CRYBG3: variants seen among roughly 807,000 people sequenced by gnomAD.
CRYBG3 encodes the protein very large A-kinase anchor protein.
In CRYBG3, 127 loss-of-function variants were observed where a neutral mutation model predicts 244.2. That is an observed-to-expected ratio of 0.52 (90% CI 0.45 to 0.60). The LOEUF (loss-of-function observed/expected upper bound fraction) is 0.60. CRYBG3 is among the 20% of genes least tolerant of loss of function. CRYBG3 has a pLI of 0.00. For synonymous variants in CRYBG3, 1,132 were observed against 1,195.8 expected (o/e 0.95, Z 1.10); for missense variants, 3,325 against 3,442.5 (o/e 0.97, Z 0.85).
Position 97,874,474 on chromosome 3 carries a change from C to G in CRYBG3, c.3280C>G (p.His1094Asp), listed in dbSNP as rs986487042. ...TATACAAGTTACCAAAGATCTCACACATGAAGGTACCTCTGTAACTAACCT... is the reference window on the plus strand; with the variant it reads ...TATACAAGTTACCAAAGATCTCACAGATGAAGGTACCTCTGTAACTAACCT... ...DSIQVTKDLTHEGTSVTNLLY... is the reference protein window; with the variant it reads ...DSIQVTKDLTDEGTSVTNLLY... The change falls in exon 4 of 22, where the codon CAT becomes GAT. Residue 1094 changes from histidine to aspartate, a missense_variant. Coordinates refer to ENST00000389622, the MANE Select transcript of CRYBG3 (RefSeq NM_153605.4). The G allele has an allele frequency of 6.5e-7, 1 of 1,534,114 alleles. No homozygotes were observed. The highest frequency in any genetic ancestry group is 8.7e-7 in the Non-Finnish European group (1 of 1,146,102).
intron 15 of CRYBG3, 91 bp from the exon 16 acceptor site, chr3:97,912,076 T>C (rs1178709755): frequency 1.8e-6 from 1 of 568,310 alleles, no homozygotes; most frequent in African/African-American, 2.0e-5. Context: ...TGCTGCATTT[T>C]ATAAATTCAT....
chr3:97,861,303 C>A (rs1037760166), intron 2 of CRYBG3, among the ~76,000 whole-genome samples: 1 of 152,150 alleles, frequency 6.6e-6, no homozygotes, highest in East Asian at 1.9e-4. Context: ...AAGAAGGTTT[C>A]TCTACATCCC....
intron 1 of CRYBG3, among the ~76,000 whole-genome samples, chr3:97,832,715 A>T (rs1233185247): frequency 6.6e-6 from 1 of 152,364 alleles, no homozygotes; most frequent in African/African-American, 2.4e-5. Flanking sequence ...CAAAATTGAC[A>T]AATGGGATCT....
intron 19 of CRYBG3, 69 bp downstream of exon 19, chr3:97,936,977 A>T (rs1031988554): frequency 6.6e-7 from 1 of 1,518,552 alleles, no homozygotes; most frequent in Admixed American, 1.9e-5. Context: ...AAACCACAGC[A>T]TCTGAAATAA....
intron 1 of CRYBG3, among the ~76,000 whole-genome samples, chr3:97,836,181 T>G (rs1268456530): frequency 1.3e-5 from 2 of 152,106 alleles, no homozygotes; most frequent in Admixed American, 6.6e-5. Flanking sequence ...AGTCTCAGAC[T>G]GTGAAGCAAC....
At chr3:97,916,619 A>G (rs979239758) in intron 17 of CRYBG3, among the ~76,000 whole-genome samples, 3 of 152,144 alleles carry the variant, frequency 2.0e-5, no homozygotes, top group African/African-American at 7.2e-5. Context: ...ACTCTACATA[A>G]TAGTTGCAGT....
At chr3:97,932,614 C>A (rs2040109769) in intron 17 of CRYBG3, among the ~76,000 whole-genome samples, 1 of 152,024 alleles carries the variant, frequency 6.6e-6, no homozygotes, top group South Asian at 2.1e-4. Flanking sequence ...GCAGTTGCTT[C>A]AGCCCACTCA....
chr3:97,872,314 A>T lies in CRYBG3; in HGVS notation c.1120A>T (p.Thr374Ser), dbSNP rs552965360. ...HHLSCEPVSQTNRNLVCSALL... is the reference protein window; with the variant it reads ...HHLSCEPVSQSNRNLVCSALL... ...TTTAAGTTGTGAACCGGTTTCTCAGACTAACAGAAATTTGGTATGTTCAGC... is the reference window on the plus strand; with the variant it reads ...TTTAAGTTGTGAACCGGTTTCTCAGTCTAACAGAAATTTGGTATGTTCAGC... The change falls in exon 4 of 22, where the codon ACT becomes TCT. Residue 374 changes from threonine (T) to serine (S), a missense_variant. Transcript: ENST00000389622. 4.6e-6 allele frequency: 7 copies of T among 1,536,004 alleles called. No homozygotes were observed. The East Asian group carries it at 1.5e-4, about 32-fold the overall frequency.
intron 11 of CRYBG3, among the ~76,000 whole-genome samples, chr3:97,893,953 T>C (rs1356189518): frequency 6.6e-6 from 1 of 152,210 alleles, no homozygotes. Flanking sequence ...AGATTATATA[T>C]GCTGGATATG....
At position 97,868,108 on chromosome 3, in the gene CRYBG3, C is replaced by G. The variant is rs1199456930; in HGVS notation, c.647+3461C>G. On this transcript the variant is annotated intron_variant, in intron 3 of 21. Transcript: ENST00000389622. ...ACCATCCTGGCTAACACGGTGAAACCCTTTCTCTACTAAAAATACAAAAAA... is the reference window on the plus strand; with the variant it reads ...ACCATCCTGGCTAACACGGTGAAACGCTTTCTCTACTAAAAATACAAAAAA... Among the ~76,000 whole-genome samples, 6 of 151,900 alleles carry G rather than the reference C, an allele frequency of 3.9e-5. No individual in the cohort carries two copies. The South Asian group carries it at 1.0e-3, about 26-fold the overall frequency.
chr3:97,936,849 C>G lies in CRYBG3; in HGVS notation c.8446C>G (p.Pro2816Ala). 1 of 1,612,944 alleles carries G rather than the reference C, an allele frequency of 6.2e-7. No individual in the cohort carries two copies. Among genetic ancestry groups the G allele is most frequent in the Non-Finnish European group, 8.5e-7 (1 of 1,179,348 alleles). The change falls in exon 19 of 22, where the codon CCA (proline) becomes GCA (alanine). Residue 2816 changes from proline (P) to alanine (A), a missense_variant. By Grantham distance (27) the Pro-to-Ala change is conservative (BLOSUM62 -1). This residue lies in a region of CRYBG3 where 714 missense variants were observed against 803.6 expected (regional missense o/e 0.89). Transcript: ENST00000389622. The stretch of plus-strand genomic sequence containing the variant: ...AATCCTACTCAGGCCTAATGAGATC[C>G]CAAACTGGACAGCATTCAGCAGATG... ...RQILLRPNEI[P>A]NWTAFSRWKT...
chr3:97,874,799 CATTG>C lies in CRYBG3; in HGVS notation c.3610_3613del (p.Ile1204ValfsTer11), dbSNP rs1559728478. 1 of 1,536,010 alleles carries C rather than the reference CATTG, an allele frequency of 6.5e-7. No homozygotes were observed. Among genetic ancestry groups the C allele is most frequent in the South Asian group, 1.2e-5 (1 of 84,054 alleles). On this transcript the variant is annotated frameshift_variant, in exon 4 of 22. Coordinates refer to ENST00000389622, the MANE Select transcript of CRYBG3 (RefSeq NM_153605.4). LOFTEE classifies it high-confidence loss of function. ...AGTAGTTTACTCAAAAAGGCCGATA[CATTG>C]ATTGGTGAGATTTTTAATTCTGTCA...
intron 7 of CRYBG3, among the ~76,000 whole-genome samples, chr3:97,882,639 G>A (rs1468393624): frequency 6.6e-6 from 1 of 152,122 alleles, no homozygotes; most frequent in Admixed American, 6.6e-5. Flanking sequence ...TTACTCATGT[G>A]ACAGTAATGG....
intron 2 of CRYBG3, among the ~76,000 whole-genome samples, chr3:97,860,324 C>T (rs2039127812): frequency 6.6e-6 from 1 of 152,002 alleles, no homozygotes; most frequent in African/African-American, 2.4e-5. Flanking sequence ...GATGCTACAT[C>T]CTAAAGGAGG....
intron 17 of CRYBG3, among the ~76,000 whole-genome samples, chr3:97,917,293 T>G (rs1218603799): frequency 6.6e-6 from 1 of 152,114 alleles, no homozygotes; most frequent in Non-Finnish European, 1.5e-5. Flanking sequence ...TGTCCCTAGT[T>G]TTGGTCCTGT....
chr3:97,847,534 A>G (rs2038921230), intron 2 of CRYBG3, among the ~76,000 whole-genome samples: 2 of 152,260 alleles, frequency 1.3e-5, no homozygotes, highest in Admixed American at 1.3e-4. Flanking sequence ...AGCTATATTC[A>G]TAAACTTCAT....
chr3:97,917,378 T>C (rs2039939636), intron 17 of CRYBG3, among the ~76,000 whole-genome samples: 1 of 152,174 alleles, frequency 6.6e-6, no homozygotes, highest in African/African-American at 2.4e-5. Flanking sequence ...TATAGACTTT[T>C]CACTTCAAGA....
rs577531502 is a variant in CRYBG3, at chr3:97,944,527, C to A, written c.*1213C>A. The stretch of plus-strand genomic sequence containing the variant: ...ACATGCACTTTAGAATGTAAAATAA[C>A]AATGACTATTTTAAACTCGAAGACC... On this transcript the variant is annotated 3_prime_UTR_variant, in exon 22 of 22. Coordinates refer to ENST00000389622, the MANE Select transcript of CRYBG3 (RefSeq NM_153605.4). The A allele has an allele frequency of 1.3e-5, 2 of 152,362 alleles. No individual in the cohort carries two copies. The highest frequency in any genetic ancestry group is 4.8e-5 in the African/African-American group (2 of 41,490). 9.4% of individuals were successfully genotyped at this position (152,362 alleles called of 1,614,324 possible).
At chr3:97,911,622 A>G (rs932139402) in intron 15 of CRYBG3, among the ~76,000 whole-genome samples, 11 of 152,226 alleles carry the variant, frequency 7.2e-5, no homozygotes, top group African/African-American at 2.4e-4. Context: ...CTCCTCTGCC[A>G]TCTGCTTCTG....
Sources: gnomAD v4.1 joint callset for allele counts (sites outside exome capture counted in the v4.1 genomes callset) on GRCh38, gnomAD v4.1.1 for gene constraint, gnomAD v4.1.1 regional missense constraint, MANE v1.5 for transcripts, NCBI Gene and HGNC (gene_info 2026-07-23, HGNC 2026-07-21) for gene names.